The following CNTNAP2 variants were observed in gnomAD, a reference collection of about 807,000 sequenced individuals.
CNTNAP2 encodes the protein contactin-associated protein-like 2.
Under a neutral mutation model 155.2 loss-of-function variants are expected in CNTNAP2, and 98 were observed. The observed-to-expected ratio is 0.63, with a 90% confidence interval of 0.54 to 0.75. The LOEUF (loss-of-function observed/expected upper bound fraction) is 0.75. CNTNAP2 is among the 30% of genes least tolerant of loss of function. The probability of loss-of-function intolerance (pLI) is 0.00; values close to 1 mark genes in which losing one functional copy is unlikely to be tolerated. For missense variants in CNTNAP2, 1,727 were observed against 1,688.1 expected, an observed-to-expected ratio of 1.02 and a Z score of -0.40; for synonymous variants, 651 against 631.2, an observed-to-expected ratio of 1.03 and a Z score of -0.47.
intron 13 of CNTNAP2, among the ~76,000 whole-genome samples, chr7:147,667,828 A>T (rs1795722935): frequency 6.7e-6 from 1 of 149,026 alleles, no homozygotes; most frequent in Non-Finnish European, 1.5e-5. Context: ...AATAAAATAA[A>T]AAAATAAAAG....
At chr7:147,807,585 A>G (rs1338520780) in intron 13 of CNTNAP2, among the ~76,000 whole-genome samples, 2 of 152,172 alleles carry the variant, frequency 1.3e-5, no homozygotes, top group Admixed American at 6.6e-5. Context: ...CCACCCATCC[A>G]TCAATCGAGT....
chr7:146,777,558 A>G (rs1802411877), intron 2 of CNTNAP2, among the ~76,000 whole-genome samples: 1 of 152,030 alleles, frequency 6.6e-6, no homozygotes, highest in African/African-American at 2.4e-5. Context: ...AGTTGTTACA[A>G]TACAAAACTT....
At chr7:146,318,376 A>C (rs1276324817) in intron 1 of CNTNAP2, among the ~76,000 whole-genome samples, 1 of 152,146 alleles carries the variant, frequency 6.6e-6, no homozygotes, top group Non-Finnish European at 1.5e-5. Context: ...TGATTTTCAT[A>C]CCGATAAACA....
At chr7:148,331,697 AGTGG>A (rs1193319769) in intron 21 of CNTNAP2, among the ~76,000 whole-genome samples, 4 of 152,200 alleles carry the variant, frequency 2.6e-5, no homozygotes, top group South Asian at 4.2e-4. Context: ...GGACGGATGG[AGTGG>A]ATGGATGGAG....
At chr7:148,116,689 A>G (rs1804481000) in intron 15 of CNTNAP2, among the ~76,000 whole-genome samples, 1 of 152,232 alleles carries the variant, frequency 6.6e-6, no homozygotes, top group Admixed American at 6.5e-5. Flanking sequence ...ATATTTCATA[A>G]TTTAAAATTA....
At chr7:147,299,542 T>C (rs1314217879) in intron 8 of CNTNAP2, among the ~76,000 whole-genome samples, 1 of 152,152 alleles carries the variant, frequency 6.6e-6, no homozygotes, top group African/African-American at 2.4e-5. Context: ...TTCGTACTTA[T>C]AACTACACAT....
At chr7:147,829,963 A>T (rs914184176) in intron 13 of CNTNAP2, among the ~76,000 whole-genome samples, 15 of 151,940 alleles carry the variant, frequency 9.9e-5, no homozygotes, top group South Asian at 4.2e-4. Context: ...TACCCCGAGA[A>T]GGTCTCCCAG....
At chr7:146,311,212 C>G (rs533852418) in intron 1 of CNTNAP2, among the ~76,000 whole-genome samples, 1 of 152,096 alleles carries the variant, frequency 6.6e-6, no homozygotes, top group Admixed American at 6.5e-5. Flanking sequence ...AAACATTTTT[C>G]CCTTTTAAAA....
intron 1 of CNTNAP2, among the ~76,000 whole-genome samples, chr7:146,331,320 A>AT (rs1563041772): frequency 7.0e-6 from 1 of 143,778 alleles, no homozygotes; most frequent in Non-Finnish European, 1.5e-5. Flanking sequence ...AAAAAAAATA[A>AT]AAATAACCAA....
At chr7:147,399,936 C>A (rs1796883899) in intron 10 of CNTNAP2, among the ~76,000 whole-genome samples, 2 of 152,142 alleles carry the variant, frequency 1.3e-5, no homozygotes, top group Non-Finnish European at 2.9e-5. Flanking sequence ...TTGTCATCAA[C>A]CTTCAGTTTC....
At chr7:148,120,943 A>T (rs543092270) in intron 16 of CNTNAP2, among the ~76,000 whole-genome samples, 1 of 152,180 alleles carries the variant, frequency 6.6e-6, no homozygotes, top group African/African-American at 2.4e-5. Context: ...AAAGCAAACC[A>T]AAAGTGGTGC....
Position 147,287,473 on chromosome 7 carries a change from A to G in CNTNAP2, c.1349-12668A>G, listed in dbSNP as rs111612818. Among the ~76,000 whole-genome samples the G allele has an allele frequency of 7.9e-3, 1,209 of 152,210 alleles. 21 individuals carry two copies. The highest frequency in any genetic ancestry group is 0.028 in the African/African-American group (1,149 of 41,532). On this transcript the variant is annotated intron_variant, in intron 8 of 23. Transcript: ENST00000361727. ...AACTTCAGGAGCTTAACTAAAGTTT[A>G]GTCAAGCAAAGAATCTCTGCTACCT...
chr7:147,924,311 G>A (rs1800344709), intron 14 of CNTNAP2, among the ~76,000 whole-genome samples: 1 of 151,610 alleles, frequency 6.6e-6, no homozygotes, highest in African/African-American at 2.4e-5. Flanking sequence ...GCTAATTTTT[G>A]TATTTTTAGT....
chr7:148,055,576 C>T (rs1370028066), intron 15 of CNTNAP2, among the ~76,000 whole-genome samples: 1 of 152,140 alleles, frequency 6.6e-6, no homozygotes, highest in Non-Finnish European at 1.5e-5. Flanking sequence ...AGATTAGGCA[C>T]CTAATGCAGA....
At chr7:146,898,883 T>TA (rs895321355) in intron 3 of CNTNAP2, among the ~76,000 whole-genome samples, 198 of 149,242 alleles carry the variant, frequency 1.3e-3, no homozygotes, top group African/African-American at 4.1e-3. Flanking sequence ...TTTTTCTCAT[T>TA]AAAAAAAAAA....
chr7:147,973,161 A>T (rs1304076665), intron 14 of CNTNAP2, among the ~76,000 whole-genome samples: 1 of 13,144 alleles, frequency 7.6e-5, no homozygotes, highest in African/African-American at 1.1e-4. Context: ...CTCTAAAATT[A>T]AAAAAAAAAA....
intron 1 of CNTNAP2, among the ~76,000 whole-genome samples, chr7:146,139,967 C>G (rs967970219): frequency 6.6e-6 from 1 of 152,110 alleles, no homozygotes; most frequent in Non-Finnish European, 1.5e-5. Flanking sequence ...TTTTAGGTAT[C>G]TAGCATTTCC....
At chr7:147,050,323 T>G (rs138964253) in intron 4 of CNTNAP2, among the ~76,000 whole-genome samples, 129 of 152,326 alleles carry the variant, frequency 8.5e-4, no homozygotes, top group Non-Finnish European at 1.3e-3. Context: ...GTGCACTGAT[T>G]AAAGTACTGA....
chr7:148,220,162 G>T (rs1057167895), intron 19 of CNTNAP2, among the ~76,000 whole-genome samples: 21 of 152,208 alleles, frequency 1.4e-4, no homozygotes, highest in Admixed American at 1.4e-3. Context: ...GAGTGCAGTG[G>T]CATGATCTCG....
Sources: allele counts gnomAD v4.1 joint callset (sites outside exome capture counted in the v4.1 genomes callset), GRCh38; gene constraint gnomAD v4.1.1; transcripts MANE v1.5; gene names NCBI Gene and HGNC (gene_info 2026-07-23, HGNC 2026-07-21).